The following MEF2C variants were observed in gnomAD, a reference collection of about 807,000 sequenced individuals.
MEF2C encodes the protein myocyte enhancer factor 2C.
Under a neutral mutation model 50.5 loss-of-function variants are expected in MEF2C, and 6 were observed. The ratio of observed to expected loss-of-function variants is 0.12; its 90% CI spans 0.07 to 0.23. The LOEUF (loss-of-function observed/expected upper bound fraction) is 0.23, where lower values mean the gene tolerates loss of function less well. MEF2C is among the 10% of genes least tolerant of loss of function. The pLI is 1.00. For synonymous variants in MEF2C, 183 were observed against 228.0 expected, an observed-to-expected ratio of 0.80 and a Z score of 1.78; for missense variants, 276 against 605.0, an observed-to-expected ratio of 0.46 and a Z score of 5.70.
intron 3 of MEF2C, among the ~76,000 whole-genome samples, chr5:88,795,630 A>T (rs1479880815): frequency 1.3e-5 from 2 of 152,060 alleles, no homozygotes; most frequent in African/African-American, 4.8e-5. Flanking sequence ...AATACCCTTT[A>T]TTTCTTTCTC....
chr5:88,722,589 T>C lies in MEF2C; in HGVS notation c.*15A>G. The stretch of plus-strand genomic sequence containing the variant: ...ACTGCAAGAAAAAAAAAAAAACTAG[T>C]AAGTAATAATCTGATCATGTTGCCC... On this transcript the variant is annotated 3_prime_UTR_variant, in exon 11 of 11. Transcript: ENST00000504921. 6.4e-7 allele frequency: 1 copy of C among 1,566,972 alleles called. No homozygotes were observed.
intron 1 of MEF2C, among the ~76,000 whole-genome samples, chr5:88,859,721 C>T (rs1824836325): frequency 6.6e-6 from 1 of 152,210 alleles, no homozygotes; most frequent in Admixed American, 6.5e-5. Flanking sequence ...AAACTCTTTG[C>T]AGACATGACA....
chr5:88,811,734 T>C (rs894470773), intron 2 of MEF2C, among the ~76,000 whole-genome samples: 2 of 152,138 alleles, frequency 1.3e-5, no homozygotes, highest in African/African-American at 2.4e-5. Context: ...CATTAAATGA[T>C]GTACTGAAAA....
intron 6 of MEF2C, among the ~76,000 whole-genome samples, chr5:88,746,155 G>T (rs1348872287): frequency 6.6e-6 from 1 of 152,124 alleles, no homozygotes; most frequent in Non-Finnish European, 1.5e-5. Context: ...TGTGAATGAT[G>T]ACCTACAGTT....
intron 4 of MEF2C, 51 bp downstream of exon 4, chr5:88,761,134 T>C: frequency 6.2e-7 from 1 of 1,613,972 alleles, no homozygotes; most frequent in Non-Finnish European, 8.5e-7. Flanking sequence ...GCCTGCCAGG[T>C]TCAGAGAAAT....
chr5:88,824,418 A>G, intron 1 of MEF2C: 2 of 877,718 alleles, frequency 2.3e-6, no homozygotes, highest in Non-Finnish European at 2.7e-6. Context: ...ATGGACGATT[A>G]TGAAAGTGCT....
intron 1 of MEF2C, among the ~76,000 whole-genome samples, chr5:88,876,550 A>G (rs1317754742): frequency 6.6e-6 from 1 of 152,024 alleles, no homozygotes; most frequent in Non-Finnish European, 1.5e-5. Context: ...CGTGTTTATT[A>G]AGTAGCAGAC....
chr5:88,723,033 T>C (rs1333902784), intron 10 of MEF2C, 108 bp from the exon 11 acceptor site: 1 of 997,870 alleles, frequency 1.0e-6, no homozygotes, highest in Non-Finnish European at 1.4e-6. Flanking sequence ...CACCAGAGCA[T>C]GCCCAGAGTG....
intron 3 of MEF2C, among the ~76,000 whole-genome samples, chr5:88,792,462 C>T (rs1794214176): frequency 6.6e-6 from 1 of 152,188 alleles, no homozygotes; most frequent in Non-Finnish European, 1.5e-5. Context: ...ACAAGGTACA[C>T]AGTTACTCAC....
intron 1 of MEF2C, among the ~76,000 whole-genome samples, chr5:88,831,363 A>G (rs1812938643): frequency 6.6e-6 from 1 of 151,814 alleles, no homozygotes; most frequent in South Asian, 2.1e-4. Flanking sequence ...TCGTGGTGTG[A>G]ATGCCTAAAA....
Position 88,761,171 on chromosome 5 carries a change from T to C in MEF2C, c.402+14A>G. On this transcript the variant is annotated intron_variant, in intron 4 of 10. Coordinates refer to ENST00000504921, the MANE Select transcript of MEF2C (RefSeq NM_002397.5). ...TCAAGAGTAAAAAAAATGAAGGGTG[T>C]TCTGAGTACTTACACACAATCTTTG... 6.2e-7 allele frequency: 1 copy of C among 1,614,010 alleles called. No individual in the cohort carries two copies. Among genetic ancestry groups the C allele is most frequent in the Non-Finnish European group, 8.5e-7 (1 of 1,179,890 alleles).
intron 10 of MEF2C, among the ~76,000 whole-genome samples, chr5:88,727,786 G>A (rs1759541974): frequency 7.2e-6 from 1 of 139,450 alleles, no homozygotes; most frequent in Non-Finnish European, 1.6e-5. Flanking sequence ...AAAATGATTT[G>A]TTTTATATGA....
chr5:88,850,161 C>T (rs1820807274), intron 1 of MEF2C, among the ~76,000 whole-genome samples: 1 of 151,902 alleles, frequency 6.6e-6, no homozygotes, highest in South Asian at 2.1e-4. Flanking sequence ...GTTCAACTTC[C>T]CCCTATGAGT....
intron 3 of MEF2C, among the ~76,000 whole-genome samples, chr5:88,777,899 CTTTTTTTTTT>C (rs57841792): frequency 1.3e-5 from 1 of 77,322 alleles, no homozygotes; most frequent in Admixed American, 2.0e-4. Flanking sequence ...TTTTTCTTTT[CTTTTTTTTTT>C]TTTTTTTTTT....
At chr5:88,774,132 A>G (rs1029628744) in intron 3 of MEF2C, among the ~76,000 whole-genome samples, 3 of 152,180 alleles carry the variant, frequency 2.0e-5, no homozygotes, top group Admixed American at 6.5e-5. Flanking sequence ...TCTGGGGAAA[A>G]GGCTCCTTGC....
chr5:88,875,023 ATTT>A (rs1435834123), intron 1 of MEF2C, among the ~76,000 whole-genome samples: 1 of 151,878 alleles, frequency 6.6e-6, no homozygotes, highest in Non-Finnish European at 1.5e-5. Context: ...GCTAGAAATT[ATTT>A]TTTAATAGGA....
intron 6 of MEF2C, chr5:88,739,614 G>C (rs1765643064): frequency 1.0e-6 from 1 of 985,028 alleles, no homozygotes. Context: ...AAAAAAATTA[G>C]TGGAAAAATA....
chr5:88,805,238 T>C (rs1173312646), intron 2 of MEF2C, among the ~76,000 whole-genome samples: 1 of 152,222 alleles, frequency 6.6e-6, no homozygotes, highest in Non-Finnish European at 1.5e-5. Flanking sequence ...CTTAAAATTG[T>C]CTAGTCTCAT....
intron 1 of MEF2C, among the ~76,000 whole-genome samples, chr5:88,860,879 T>C (rs1825266927): frequency 6.6e-6 from 1 of 152,202 alleles, no homozygotes; most frequent in African/African-American, 2.4e-5. Context: ...ACTGTTGGCC[T>C]CTGGCTAATA....
Sources: allele counts gnomAD v4.1 joint callset (sites outside exome capture counted in the v4.1 genomes callset), GRCh38; gene constraint gnomAD v4.1.1; transcripts MANE v1.5; gene names NCBI Gene and HGNC (gene_info 2026-07-23, HGNC 2026-07-21).